The following NTM variants were observed in gnomAD, a reference collection of about 807,000 sequenced individuals.
The protein encoded by NTM is neurotrimin.
NTM carries 13 observed loss-of-function variants against 42.1 expected under a neutral mutation model. The observed-to-expected ratio is 0.31, with a 90% confidence interval of 0.20 to 0.49. The LOEUF (loss-of-function observed/expected upper bound fraction) is 0.49. NTM is among the 20% of genes least tolerant of loss of function. The pLI is 0.99. For missense variants in NTM, 373 were observed against 452.8 expected (o/e 0.82, Z 1.60); for synonymous variants, 187 against 179.2 (o/e 1.04, Z -0.35).
intron 2 of NTM, among the ~76,000 whole-genome samples, chr11:131,972,085 C>G (rs910298113): frequency 8.8e-5 from 12 of 136,340 alleles, no homozygotes; most frequent in Non-Finnish European, 1.9e-4. Flanking sequence ...TGGTGGCACA[C>G]AACTGTAGTC....
intron 1 of NTM, among the ~76,000 whole-genome samples, chr11:131,656,220 GA>G (rs996147272): frequency 6.6e-6 from 1 of 152,102 alleles, no homozygotes; most frequent in African/African-American, 2.4e-5. Flanking sequence ...AAGACCTCAG[GA>G]AAAAAAGTGT....
chr11:132,071,203 A>C, intron 2 of NTM, among the ~76,000 whole-genome samples: 1 of 139,948 alleles, frequency 7.1e-6, no homozygotes, highest in East Asian at 2.2e-4. Context: ...AGCCAAGTTA[A>C]CACGTCACAC....
intron 1 of NTM, among the ~76,000 whole-genome samples, chr11:131,593,948 A>G (rs2059603259): frequency 6.6e-6 from 1 of 152,134 alleles, no homozygotes; most frequent in African/African-American, 2.4e-5. Flanking sequence ...TGGATCTTTT[A>G]CATGGATTTG....
intron 1 of NTM, among the ~76,000 whole-genome samples, chr11:131,878,597 AT>A (rs11309743): frequency 1.2e-3 from 12 of 9,704 alleles, no homozygotes; most frequent in African/African-American, 1.6e-3. Flanking sequence ...AAAAAAAAAT[AT>A]ATATATATAT....
intron 1 of NTM, among the ~76,000 whole-genome samples, chr11:131,417,711 A>G (rs1425001258): frequency 6.6e-6 from 1 of 152,244 alleles, no homozygotes; most frequent in African/African-American, 2.4e-5. Context: ...TAAGGATCAA[A>G]GAACCTAAAC....
intron 1 of NTM, among the ~76,000 whole-genome samples, chr11:131,552,609 A>C (rs927006930): frequency 1.3e-5 from 2 of 151,874 alleles, no homozygotes; most frequent in African/African-American, 4.8e-5. Flanking sequence ...AGGTCAGGAG[A>C]TCGAGACCAT....
intron 2 of NTM, among the ~76,000 whole-genome samples, chr11:131,965,650 A>T (rs1002516213): frequency 1.1e-4 from 16 of 152,160 alleles, no homozygotes; most frequent in Non-Finnish European, 2.1e-4. Flanking sequence ...CTCGCTGATC[A>T]GTGGTGGAGC....
intron 1 of NTM, among the ~76,000 whole-genome samples, chr11:131,822,571 T>A (rs889113719): frequency 6.6e-6 from 1 of 152,170 alleles, no homozygotes; most frequent in Non-Finnish European, 1.5e-5. Flanking sequence ...CAGCCCCTCA[T>A]AACAGCTGCT....
chr11:132,236,931 C>A (rs2089076941), intron 4 of NTM, among the ~76,000 whole-genome samples: 1 of 152,130 alleles, frequency 6.6e-6, no homozygotes, highest in Non-Finnish European at 1.5e-5. Context: ...GCGAGACCTT[C>A]AAGAGAGGGG....
intron 1 of NTM, among the ~76,000 whole-genome samples, chr11:131,865,667 TACAC>T (rs1339866598): frequency 1.3e-5 from 2 of 151,588 alleles, no homozygotes; most frequent in Non-Finnish European, 2.9e-5. Flanking sequence ...AGGTACACAC[TACAC>T]ACACACTCAC....
intron 1 of NTM, among the ~76,000 whole-genome samples, chr11:131,510,617 A>G (rs58305510): frequency 0.016 from 2,452 of 152,296 alleles, 67 homozygotes; most frequent in African/African-American, 0.056. Flanking sequence ...TATCTATCAT[A>G]TCACTTTTAT....
intron 2 of NTM, among the ~76,000 whole-genome samples, chr11:132,138,539 A>G (rs1356867384): frequency 7.3e-6 from 1 of 136,530 alleles, no homozygotes; most frequent in East Asian, 2.1e-4. Context: ...AGTGTGTATT[A>G]GTCTGGGTTT....
intron 4 of NTM, among the ~76,000 whole-genome samples, chr11:132,291,891 A>G (rs1189224588): frequency 6.6e-6 from 1 of 152,146 alleles, no homozygotes; most frequent in Non-Finnish European, 1.5e-5. Flanking sequence ...AGGTGTGAAC[A>G]GAAGCTGGAT....
intron 1 of NTM, among the ~76,000 whole-genome samples, chr11:131,853,281 G>T (rs1232551187): frequency 6.6e-6 from 1 of 152,098 alleles, no homozygotes; most frequent in Non-Finnish European, 1.5e-5. Context: ...AGGATGTGCA[G>T]GTTTGTTACA....
chr11:132,139,660 A>G (rs1237802397), intron 2 of NTM, among the ~76,000 whole-genome samples: 4 of 152,214 alleles, frequency 2.6e-5, no homozygotes, highest in Non-Finnish European at 5.9e-5. Context: ...ATTCTCACAC[A>G]CAGTGACCAG....
At chr11:131,882,814 A>G (rs191402084) in intron 1 of NTM, among the ~76,000 whole-genome samples, 81 of 152,322 alleles carry the variant, frequency 5.3e-4, no homozygotes, top group African/African-American at 1.8e-3. Context: ...TATTTACCAT[A>G]TTTAAACATT....
chr11:131,739,678 G>A (rs1164021500), intron 1 of NTM, among the ~76,000 whole-genome samples: 2 of 152,210 alleles, frequency 1.3e-5, no homozygotes, highest in African/African-American at 4.8e-5. Context: ...GGATGAATGG[G>A]AAGGTATTGC....
intron 1 of NTM, among the ~76,000 whole-genome samples, chr11:131,422,596 T>A (rs1279966016): frequency 1.3e-5 from 2 of 152,164 alleles, no homozygotes; most frequent in Non-Finnish European, 2.9e-5. Flanking sequence ...AATTGGGCCA[T>A]CCTCCCCGCT....
At chr11:131,572,391 G>T (rs997861662) in intron 1 of NTM, among the ~76,000 whole-genome samples, 2 of 152,098 alleles carry the variant, frequency 1.3e-5, no homozygotes, top group African/African-American at 4.8e-5. Context: ...TTCTTCTCCA[G>T]AATTAAAAGA....
Sources: allele counts gnomAD v4.1 joint callset (sites outside exome capture counted in the v4.1 genomes callset), GRCh38; gene constraint gnomAD v4.1.1; transcripts MANE v1.5; gene names NCBI Gene and HGNC (gene_info 2026-07-23, HGNC 2026-07-21).